Variants in SDK1 observed in about 807,000 individuals in gnomAD.
SDK1 encodes the protein sidekick cell adhesion molecule 1.
Under a neutral mutation model 245.5 loss-of-function variants are expected in SDK1, and 157 were observed. The observed-to-expected ratio is 0.64, with a 90% confidence interval of 0.56 to 0.73. The LOEUF is 0.73. Ranked by LOEUF, SDK1 falls within the 30% of genes least tolerant of loss-of-function variation. SDK1 has a pLI of 0.00. For synonymous variants in SDK1, 1,647 were observed against 1,278.5 expected, an observed-to-expected ratio of 1.29 and a Z score of -6.15; for missense variants, 3,583 against 3,002.3, an observed-to-expected ratio of 1.19 and a Z score of -4.52.
intron 1 of SDK1, among the ~76,000 whole-genome samples, chr7:3,543,225 C>T (rs917398109): frequency 1.3e-5 from 2 of 152,230 alleles, no homozygotes; most frequent in African/African-American, 4.8e-5. Context: ...CTGTAGAGAA[C>T]TTGCCATTGA....
At position 3,704,929 on chromosome 7, in the gene SDK1, A is replaced by G. The variant is rs540541072; in HGVS notation, c.713+62824A>G. Among the ~76,000 whole-genome samples, 78 of 152,302 alleles carry G rather than the reference A, an allele frequency of 5.1e-4. 2 individuals carry two copies. In the South Asian group the frequency reaches 7.9e-3, roughly 15 times the overall value. On this transcript the variant is annotated intron_variant, in intron 4 of 44. Coordinates refer to ENST00000404826, the MANE Select transcript of SDK1 (RefSeq NM_152744.4). ...GTGGCTAGCCACTTTTCTCAATACCATTTATTAAATAGAGTATGCTTTCCC... is the reference window on the plus strand; with the variant it reads ...GTGGCTAGCCACTTTTCTCAATACCGTTTATTAAATAGAGTATGCTTTCCC...
At chr7:3,318,520 A>C (rs1444352866) in intron 1 of SDK1, among the ~76,000 whole-genome samples, 3 of 152,126 alleles carry the variant, frequency 2.0e-5, no homozygotes, top group Non-Finnish European at 2.9e-5. Flanking sequence ...GATCAAATGA[A>C]CCCCTAATGT....
chr7:4,022,655 C>T (rs191015585), intron 17 of SDK1, among the ~76,000 whole-genome samples: 1 of 152,082 alleles, frequency 6.6e-6, no homozygotes, highest in African/African-American at 2.4e-5. Context: ...TTTTTGGTCT[C>T]AAATGTGTTT....
chr7:4,102,835 C>T (rs996613498), intron 22 of SDK1, among the ~76,000 whole-genome samples: 7 of 151,958 alleles, frequency 4.6e-5, no homozygotes, highest in African/African-American at 1.7e-4. Flanking sequence ...GTATAACAGA[C>T]AGACAGCTCC....
intron 44 of SDK1, among the ~76,000 whole-genome samples, chr7:4,259,567 T>G (rs191241440): frequency 6.6e-6 from 1 of 152,232 alleles, no homozygotes; most frequent in Admixed American, 6.5e-5. Context: ...ATTAGGGAAC[T>G]GCTCCAGTAG....
At chr7:4,255,016 A>G (rs934756812) in intron 44 of SDK1, among the ~76,000 whole-genome samples, 14 of 152,260 alleles carry the variant, frequency 9.2e-5, no homozygotes, top group African/African-American at 3.4e-4. Context: ...GCCTTAGTGC[A>G]TAGATTGCTC....
At chr7:3,434,040 G>A (rs760388510) in intron 1 of SDK1, among the ~76,000 whole-genome samples, 3 of 152,180 alleles carry the variant, frequency 2.0e-5, no homozygotes, top group Non-Finnish European at 2.9e-5. Flanking sequence ...TGTTCCATTT[G>A]TGCAGTCAAT....
chr7:3,596,497 T>C (rs1781072167), intron 1 of SDK1, among the ~76,000 whole-genome samples: 1 of 152,182 alleles, frequency 6.6e-6, no homozygotes, highest in Non-Finnish European at 1.5e-5. Flanking sequence ...ATTTCATAGA[T>C]GTTAAGTGCA....
At chr7:3,682,993 C>A (rs1448361459) in intron 4 of SDK1, among the ~76,000 whole-genome samples, 1 of 152,138 alleles carries the variant, frequency 6.6e-6, no homozygotes, top group Non-Finnish European at 1.5e-5. Flanking sequence ...CTCAGCCTCC[C>A]AAAGTGTTGT....
chr7:3,445,115 C>G (rs553878277), intron 1 of SDK1, among the ~76,000 whole-genome samples: 1 of 152,074 alleles, frequency 6.6e-6, no homozygotes, highest in Non-Finnish European at 1.5e-5. Flanking sequence ...ATGCCTTACT[C>G]TGTTGAAAAG....
At chr7:3,975,626 G>C (rs1782862824) in intron 13 of SDK1, among the ~76,000 whole-genome samples, 1 of 152,216 alleles carries the variant, frequency 6.6e-6, no homozygotes, top group Non-Finnish European at 1.5e-5. Context: ...ATGTGGAAAT[G>C]AGTGAACTCA....
Position 4,051,735 on chromosome 7 carries a change from A to G in SDK1, c.2816A>G (p.Lys939Arg), listed in dbSNP as rs1301227507. Residue 939 changes from lysine to arginine, a missense_variant, in exon 19 of 45, where the codon AAG becomes AGG. Lys to Arg is a conservative substitution (Grantham distance 26). Coordinates refer to ENST00000404826, the MANE Select transcript of SDK1 (RefSeq NM_152744.4). ...CACCATGGACACATAACGAACCTGA[A>G]GAAGTTTACCGCCTACTTCACTTCC... is the stretch of plus-strand genomic sequence containing the variant. ...GVHHGHITNL[K>R]KFTAYFTSVL... The G allele has an allele frequency of 1.2e-6, 2 of 1,614,070 alleles. No individual in the cohort carries two copies. The highest frequency in any genetic ancestry group is 1.7e-6 in the Non-Finnish European group (2 of 1,179,984).
chr7:3,497,206 C>T lies in SDK1; in HGVS notation c.299-121874C>T, dbSNP rs944744587. Among the ~76,000 whole-genome samples the T allele has an allele frequency of 2.6e-5, 4 of 152,136 alleles. No homozygotes were observed. The South Asian group carries it at 6.2e-4, about 24-fold the overall frequency. On this transcript the variant is annotated intron_variant, in intron 1 of 44. Transcript: ENST00000404826. ...CTCCAACAAGGCTGTTACCACTCAG[C>T]GAAGGCAATGGTTACTCTTTTATTT...
At chr7:4,251,285 A>G (rs1053037258) in intron 44 of SDK1, among the ~76,000 whole-genome samples, 1 of 152,226 alleles carries the variant, frequency 6.6e-6, no homozygotes, top group African/African-American at 2.4e-5. Context: ...TCAGCACACA[A>G]CATCCTCATG....
chr7:3,950,884 C>T lies in SDK1; in HGVS notation c.848-39C>T, dbSNP rs201811149. ...GATAACGGCGGGGGGTGCTCCTGTA[C>T]TTAGAGTTTCATGGACATTTCTCTT... On this transcript the variant is annotated intron_variant, in intron 5 of 44. Coordinates refer to ENST00000404826, the MANE Select transcript of SDK1 (RefSeq NM_152744.4). 4.9e-3 allele frequency: 7,442 copies of T among 1,533,848 alleles called. 30 individuals are homozygous for T. Among genetic ancestry groups the T allele is most frequent in the Non-Finnish European group, 6.0e-3 (6,658 of 1,113,288 alleles).
At chr7:4,053,798 G>C (rs1351590509) in intron 19 of SDK1, among the ~76,000 whole-genome samples, 1 of 152,142 alleles carries the variant, frequency 6.6e-6, no homozygotes, top group Admixed American at 6.5e-5. Context: ...ATGAAAAGTA[G>C]CCCTGCTGCT....
At chr7:4,109,455 A>G (rs1432516292) in intron 22 of SDK1, among the ~76,000 whole-genome samples, 3 of 152,066 alleles carry the variant, frequency 2.0e-5, no homozygotes, top group African/African-American at 2.4e-5. Flanking sequence ...CACGTTTCCT[A>G]TCCTGTCATT....
intron 14 of SDK1, among the ~76,000 whole-genome samples, chr7:3,994,064 T>G (rs979431347): frequency 6.6e-6 from 1 of 152,152 alleles, no homozygotes; most frequent in Non-Finnish European, 1.5e-5. Flanking sequence ...TTTCCCCTCC[T>G]GCCCCTAAAA....
chr7:4,076,889 T>A, intron 20 of SDK1, 109 bp from the exon 21 acceptor site: 4 of 958,480 alleles, frequency 4.2e-6, no homozygotes, highest in Non-Finnish European at 6.2e-6. Context: ...CTTCAGCACA[T>A]CCAGCCAAGC....
Sources: gnomAD v4.1 joint callset for allele counts (sites outside exome capture counted in the v4.1 genomes callset) on GRCh38, gnomAD v4.1.1 for gene constraint, MANE v1.5 for transcripts, NCBI Gene and HGNC (gene_info 2026-07-23, HGNC 2026-07-21) for gene names.